CIITA: variants seen among roughly 807,000 people sequenced by gnomAD.
CIITA encodes MHC class II transactivator.
CIITA carries 72 observed loss-of-function variants against 115.1 expected under a neutral mutation model. The ratio of observed to expected loss-of-function variants is 0.63; its 90% CI spans 0.52 to 0.76. The LOEUF (loss-of-function observed/expected upper bound fraction) is 0.76, where lower values mean the gene tolerates loss of function less well. CIITA is among the 30% of genes least tolerant of loss of function. The probability of loss-of-function intolerance (pLI) is 0.00; values close to 1 mark genes in which losing one functional copy is unlikely to be tolerated. For synonymous variants in CIITA, 763 were observed against 635.6 expected (o/e 1.20, Z -3.02); for missense variants, 1,617 against 1,463.8 (o/e 1.10, Z -1.71).
At position 10,935,332 on chromosome 16, in the gene CIITA, T is replaced by A. The variant is rs1269248043; in HGVS notation, c.*11477T>A. 1 of 152,248 alleles carries A rather than the reference T, an allele frequency of 6.6e-6. No individual in the cohort carries two copies. Among genetic ancestry groups the A allele is most frequent in the Non-Finnish European group, 1.5e-5 (1 of 68,046 alleles). The allele number at this position is 152,248 out of a possible 1,614,324, so 9.4% of individuals were successfully genotyped here. A position where few individuals can be genotyped will look rare whatever the true frequency, so the allele number is the denominator to read the frequency against. ...ATTTAGAGGAGAAAGTTCAGTTTGG[T>A]GCTGGTATATCTTATGTTTATCACC... On this transcript the variant is annotated 3_prime_UTR_variant, in exon 20 of 20. Coordinates refer to ENST00000324288, the MANE Select transcript of CIITA (RefSeq NM_000246.4).
At chr16:10,887,872 T>C (rs2037120592) in intron 1 of CIITA, among the ~76,000 whole-genome samples, 1 of 152,134 alleles carries the variant, frequency 6.6e-6, no homozygotes, top group Admixed American at 6.6e-5. Flanking sequence ...TTCTTCTCCC[T>C]TTCAGTGCCT....
At chr16:10,867,201 G>A (rs534717219) in intron 1 of CIITA, among the ~76,000 whole-genome samples, 35 of 151,926 alleles carry the variant, frequency 2.3e-4, no homozygotes, top group African/African-American at 7.2e-4. Flanking sequence ...CCGAGATCAC[G>A]CTACTGCACT....
chr16:10,872,956 T>C (rs893456074), upstream of CIITA, among the ~76,000 whole-genome samples: 3 of 152,170 alleles, frequency 2.0e-5, no homozygotes, highest in Non-Finnish European at 4.4e-5. Context: ...CTTAGAATAG[T>C]GTATCTTCTA....
At position 10,928,598 on chromosome 16, in the gene CIITA, C is replaced by G. The variant is rs934521376; in HGVS notation, c.*4743C>G. The G allele has an allele frequency of 2.0e-5, 3 of 152,348 alleles. No homozygotes were observed. The highest frequency in any genetic ancestry group is 2.9e-5 in the Non-Finnish European group (2 of 68,172). 9.4% of individuals were successfully genotyped at this position (152,348 alleles called of 1,614,324 possible). Reference sequence around the variant, plus strand: ...GAGCCACCATGCCAAGCCCTTCCCCCCTATCTTTAATGAAGGTCTACCATG... The same window carrying G: ...GAGCCACCATGCCAAGCCCTTCCCCGCTATCTTTAATGAAGGTCTACCATG... On this transcript the variant is annotated 3_prime_UTR_variant, in exon 20 of 20. Coordinates refer to ENST00000324288, the MANE Select transcript of CIITA (RefSeq NM_000246.4).
intron 9 of CIITA, among the ~76,000 whole-genome samples, chr16:10,904,185 T>C (rs1284915811): frequency 6.6e-6 from 1 of 152,110 alleles, no homozygotes; most frequent in African/African-American, 2.4e-5. Context: ...AAAACCCTGA[T>C]TTTTACATAG....
chr16:10,908,370 T>C, intron 11 of CIITA: 1 of 687,134 alleles, frequency 1.5e-6, no homozygotes. Flanking sequence ...CCAGTCAATA[T>C]TTGAAGGCCC....
chr16:10,905,032 C>T (rs932485356), intron 10 of CIITA, among the ~76,000 whole-genome samples: 1 of 152,178 alleles, frequency 6.6e-6, no homozygotes, highest in African/African-American at 2.4e-5. Context: ...CTTCAATAAG[C>T]CTGCACTGGG....
intron 1 of CIITA, among the ~76,000 whole-genome samples, chr16:10,884,988 G>A (rs919256195): frequency 6.6e-6 from 1 of 152,164 alleles, no homozygotes; most frequent in African/African-American, 2.4e-5. Flanking sequence ...ACCTGCAAGG[G>A]CCTCCAAGCC....
At chr16:10,895,156 C>G (rs1225503322) in intron 1 of CIITA, 126 bp from the exon 2 acceptor site, 1 of 1,091,926 alleles carries the variant, frequency 9.2e-7, no homozygotes, top group African/African-American at 1.5e-5. Flanking sequence ...ATAAGAGGTG[C>G]TGAATGAGCG....
rs200966627 is a variant in CIITA, at chr16:10,918,491, C to T, written c.3114C>T (p.Ala1038=). The T allele has an allele frequency of 1.2e-6, 2 of 1,614,166 alleles. No homozygotes were observed. The highest frequency in any genetic ancestry group is 1.3e-5 in the African/African-American group (1 of 75,048). ...TDLGAYKLAE[A]LPSLAASLLR... is the part of the protein sequence containing the mutation. The stretch of plus-strand genomic sequence containing the variant: ...TGGGTGCCTACAAACTCGCCGAGGC[C>T]CTGCCTTCGCTCGCTGCATCCCTGC... The change falls in exon 16 of 20, where the codon GCC becomes GCT. Residue 1038 remains alanine, a synonymous_variant. Transcript: ENST00000324288.
Position 10,901,973 on chromosome 16 carries a change from G to T in CIITA, c.482-65G>T, listed in dbSNP as rs1450904938. 6.9e-6 allele frequency: 11 copies of T among 1,599,896 alleles called. No homozygotes were observed. The highest frequency in any genetic ancestry group is 7.7e-6 in the Non-Finnish European group (9 of 1,171,066). On this transcript the variant is annotated intron_variant, in intron 6 of 19. Transcript: ENST00000324288. The surrounding 1 kb of genome is among the most constrained non-coding windows in gnomAD (Gnocchi z 6.8). Reference sequence around the variant, plus strand: ...GGAGAGACATCCATGCCACTCCAGGGCCCTCCCCATCCCAGGAAGGCCCCT... The same window carrying T: ...GGAGAGACATCCATGCCACTCCAGGTCCCTCCCCATCCCAGGAAGGCCCCT...
At chr16:10,922,796 A>G in intron 18 of CIITA, 2 of 531,092 alleles carry the variant, frequency 3.8e-6, no homozygotes, top group Non-Finnish European at 6.8e-6. Context: ...GCTGACATCC[A>G]CCCATTTTTG....
chr16:10,871,928 C>A (rs908860465), intron 1 of CIITA, among the ~76,000 whole-genome samples: 1 of 152,216 alleles, frequency 6.6e-6, no homozygotes, highest in African/African-American at 2.4e-5. Flanking sequence ...TGCCCCCAAG[C>A]CTGGCACTTC....
At chr16:10,871,323 G>T (rs533208809) in intron 1 of CIITA, among the ~76,000 whole-genome samples, 1 of 152,290 alleles carries the variant, frequency 6.6e-6, no homozygotes, top group East Asian at 1.9e-4. Flanking sequence ...TGTAAGTGGG[G>T]GCAACCTCAG....
chr16:10,889,267 C>T (rs547066875), intron 1 of CIITA, among the ~76,000 whole-genome samples: 1 of 152,258 alleles, frequency 6.6e-6, no homozygotes, highest in South Asian at 2.1e-4. Flanking sequence ...ACTTCCTAAG[C>T]ATCTATAGAC....
chr16:10,906,791 G>T lies in CIITA; in HGVS notation c.1299G>T (p.Val433=), dbSNP rs1271878819. ...GQGKSYWAGA[V]SRAWACGRLP... ...GCAAGAGCTATTGGGCTGGGGCAGT[G>T]AGCCGGGCCTGGGCTTGTGGCCGGC... is the stretch of plus-strand genomic sequence containing the variant. Residue 433 remains valine, a synonymous_variant, in exon 11 of 20, where the codon GTG becomes GTT. Coordinates refer to ENST00000324288, the MANE Select transcript of CIITA (RefSeq NM_000246.4). 1.9e-6 allele frequency: 3 copies of T among 1,612,018 alleles called. No individual in the cohort carries two copies. Among genetic ancestry groups the T allele is most frequent in the East Asian group, 2.2e-5 (1 of 44,884 alleles).
rs1372771172 is a variant in CIITA, at chr16:10,935,127, G to A, written c.*11272G>A. ...TCCCTGTTTTACAGAGAAGGAAACCGAGGCTTAGGAGATGAAGTCTGAGGT... is the reference window on the plus strand; with the variant it reads ...TCCCTGTTTTACAGAGAAGGAAACCAAGGCTTAGGAGATGAAGTCTGAGGT... On this transcript the variant is annotated 3_prime_UTR_variant, in exon 20 of 20. Coordinates refer to ENST00000324288, the MANE Select transcript of CIITA (RefSeq NM_000246.4). The A allele has an allele frequency of 6.6e-6, 1 of 152,260 alleles. No individual in the cohort carries two copies. The highest frequency in any genetic ancestry group is 1.5e-5 in the Non-Finnish European group (1 of 68,046). The allele number at this position is 152,260 out of a possible 1,614,324, so 9.4% of individuals were successfully genotyped here. A position where few individuals can be genotyped will look rare whatever the true frequency, so the allele number is the denominator to read the frequency against.
upstream of CIITA, among the ~76,000 whole-genome samples, chr16:10,872,322 C>T (rs892461296): frequency 6.6e-6 from 1 of 152,116 alleles, no homozygotes; most frequent in Non-Finnish European, 1.5e-5. Flanking sequence ...AGGGTTTCAT[C>T]ATGTTGGCCA....
chr16:10,924,119 A>G lies in CIITA; in HGVS notation c.*264A>G, dbSNP rs990365473. The G allele has an allele frequency of 5.2e-5, 8 of 152,554 alleles. No homozygotes were observed. Among genetic ancestry groups the G allele is most frequent in the African/African-American group, 1.9e-4 (8 of 41,590 alleles). The allele number at this position is 152,554 out of a possible 1,614,324, so 9.5% of individuals were successfully genotyped here. A position where few individuals can be genotyped will look rare whatever the true frequency, so the allele number is the denominator to read the frequency against. ...GCCTGGTGGCAGCTGCGGTCCACCC[A>G]GGAGCCCCGAGGCCTTCTCTGAAGG... On this transcript the variant is annotated 3_prime_UTR_variant, in exon 20 of 20. Transcript: ENST00000324288.
Sources: gnomAD v4.1 joint callset for allele counts (sites outside exome capture counted in the v4.1 genomes callset) on GRCh38, gnomAD v4.1.1 for gene constraint, Gnocchi (gnomAD v3.1) non-coding constraint, MANE v1.5 for transcripts, NCBI Gene and HGNC (gene_info 2026-07-23, HGNC 2026-07-21) for gene names.